The following SLAIN1 variants were observed in gnomAD, a reference collection of about 807,000 sequenced individuals.
SLAIN1 encodes SLAIN family member 1, also known as SLAIN motif-containing protein 1.
In SLAIN1, 17 loss-of-function variants were observed where a neutral mutation model predicts 55.4. The observed-to-expected ratio is 0.31, with a 90% confidence interval of 0.21 to 0.46. The LOEUF is 0.46. Ranked by LOEUF, SLAIN1 falls within the 20% of genes least tolerant of loss-of-function variation. SLAIN1 has a pLI of 1.00. For synonymous variants in SLAIN1, 348 were observed against 337.4 expected (o/e 1.03, Z -0.35); for missense variants, 682 against 785.1 (o/e 0.87, Z 1.57).
At chr13:77,758,798 T>C (rs181818861) in intron 5 of SLAIN1, among the ~76,000 whole-genome samples, 21 of 152,340 alleles carry the variant, frequency 1.4e-4, no homozygotes, top group Non-Finnish European at 2.9e-4. Flanking sequence ...CCTATTTTTA[T>C]AGCAGTACCA....
At chr13:77,761,170 A>G in intron 6 of SLAIN1, 60 bp downstream of exon 6, 1 of 1,533,932 alleles carries the variant, frequency 6.5e-7, no homozygotes, top group Non-Finnish European at 8.9e-7. Flanking sequence ...TGCTCCAGAC[A>G]CACGCTGACT....
At chr13:77,761,523 C>T (rs547350721) in intron 6 of SLAIN1, among the ~76,000 whole-genome samples, 17 of 152,100 alleles carry the variant, frequency 1.1e-4, no homozygotes, top group Non-Finnish European at 2.2e-4. Flanking sequence ...TGTGTATCCC[C>T]GATGCCAAGA....
At chr13:77,759,760 T>G (rs991398341) in intron 5 of SLAIN1, among the ~76,000 whole-genome samples, 2 of 152,176 alleles carry the variant, frequency 1.3e-5, no homozygotes, top group African/African-American at 4.8e-5. Flanking sequence ...TGGCCTATGT[T>G]AAACCATTTC....
At chr13:77,703,247 A>G (rs947554969) in intron 1 of SLAIN1, among the ~76,000 whole-genome samples, 5 of 152,172 alleles carry the variant, frequency 3.3e-5, no homozygotes, top group South Asian at 2.1e-4. Context: ...ACTTGTACAA[A>G]TTAAGAAAAA....
chr13:77,719,591 A>G lies in SLAIN1; in HGVS notation c.686A>G (p.Gln229Arg), dbSNP rs1329500299. The G allele has an allele frequency of 3.7e-6, 6 of 1,613,440 alleles. No homozygotes were observed. The South Asian group carries it at 6.6e-5, about 18-fold the overall frequency. ...TSSEKSLTPL[Q>R]WCRHVLDNPT... ...TCAGAGAAATCCCTGACTCCTTTGC[A>G]GTGGTGTAGACATGTCCTAGATAAC... Residue 229 changes from glutamine (Q) to arginine (R), a missense_variant, in exon 2 of 7, where the codon CAG (glutamine) becomes CGG (arginine). By Grantham distance (43) the Gln-to-Arg change is conservative (BLOSUM62 1). Around this residue, in one of 3 missense-constraint regions of SLAIN1, gnomAD observed 401 missense variants for 417.3 expected, o/e 0.96. Transcript: ENST00000418532.
rs1202809959 is a variant in SLAIN1 at position 77,746,841 on chromosome 13, A to G, written c.1244A>G (p.Asn415Ser). Residue 415 changes from asparagine (N) to serine (S), a missense_variant, in exon 4 of 7, where the codon AAT (asparagine) becomes AGT (serine). Coordinates refer to ENST00000418532, the MANE Select transcript of SLAIN1 (RefSeq NM_001242868.2). ...GCCCAAACTCCAGATCAGCAACCAAATAGGACCAATGGAGGTAGGTTGTAT... is the reference window on the plus strand; with the variant it reads ...GCCCAAACTCCAGATCAGCAACCAAGTAGGACCAATGGAGGTAGGTTGTAT... ...PQAQTPDQQP[N>S]RTNGDKLRRS... is the part of the protein sequence containing the mutation. 3 of 1,612,272 alleles carry G rather than the reference A, an allele frequency of 1.9e-6. No individual in the cohort carries two copies. The highest frequency in any genetic ancestry group is 1.1e-5 in the South Asian group (1 of 90,974).
At chr13:77,709,348 T>G (rs750920617) in intron 1 of SLAIN1, among the ~76,000 whole-genome samples, 6 of 152,106 alleles carry the variant, frequency 3.9e-5, no homozygotes, top group Non-Finnish European at 8.8e-5. Flanking sequence ...CAGGATATTA[T>G]CCAGGAGACC....
At chr13:77,759,965 CT>C (rs1594300884) in intron 5 of SLAIN1, among the ~76,000 whole-genome samples, 2 of 151,892 alleles carry the variant, frequency 1.3e-5, no homozygotes, top group Non-Finnish European at 2.9e-5. Flanking sequence ...TTTTTTGGGT[CT>C]TTTTCCCCCT....
chr13:77,718,211 A>T (rs2091227019), intron 1 of SLAIN1, among the ~76,000 whole-genome samples: 1 of 152,154 alleles, frequency 6.6e-6, no homozygotes, highest in African/African-American at 2.4e-5. Context: ...GAGCCGTTGC[A>T]TGTTTTGTAT....
At chr13:77,737,373 A>G (rs1873173845) in intron 2 of SLAIN1, among the ~76,000 whole-genome samples, 1 of 152,114 alleles carries the variant, frequency 6.6e-6, no homozygotes, top group South Asian at 2.1e-4. Flanking sequence ...CATTTAGTTC[A>G]TCATTTCTAT....
At chr13:77,709,927 G>A (rs1566220990) in intron 1 of SLAIN1, among the ~76,000 whole-genome samples, 1 of 151,964 alleles carries the variant, frequency 6.6e-6, no homozygotes, top group Non-Finnish European at 1.5e-5. Context: ...CCCACTACCA[G>A]GCCTGGGTAA....
chr13:77,722,781 T>G (rs972174084), intron 2 of SLAIN1, among the ~76,000 whole-genome samples: 3 of 152,240 alleles, frequency 2.0e-5, no homozygotes, highest in Non-Finnish European at 4.4e-5. Flanking sequence ...AGATTCTTGC[T>G]CTGTGCCCAG....
intron 2 of SLAIN1, among the ~76,000 whole-genome samples, chr13:77,726,268 A>T (rs1418772672): frequency 6.6e-6 from 1 of 152,230 alleles, no homozygotes; most frequent in Non-Finnish European, 1.5e-5. Flanking sequence ...TTGCTAAAAA[A>T]TACGTTGTCT....
At chr13:77,744,158 C>A (rs1873651106) in intron 2 of SLAIN1, 125 bp from the exon 3 acceptor site, 1 of 740,934 alleles carries the variant, frequency 1.3e-6, no homozygotes, top group African/African-American at 1.7e-5. Context: ...TAAATGGTGA[C>A]ATGTTGGTGA....
Position 77,698,995 on chromosome 13 carries a change from C to G in SLAIN1, c.626+456C>G, listed in dbSNP as rs1290362287. 6.5e-7 allele frequency: 1 copy of G among 1,534,826 alleles called. No individual in the cohort carries two copies. Among genetic ancestry groups the G allele is most frequent in the Non-Finnish European group, 8.7e-7 (1 of 1,146,770 alleles). On this transcript the variant is annotated intron_variant, in intron 1 of 6. Transcript: ENST00000418532. The surrounding 1 kb of genome is among the most constrained non-coding windows in gnomAD (Gnocchi z 4.1). ...TTAAACGAACGCTGGACAGGATTTG[C>G]GTGCTCTTCCTCCTCGGGTGGCATC... is the stretch of plus-strand genomic sequence containing the variant.
In SLAIN1 at chr13:77,698,249, T is replaced by A. The variant is rs901298368; in HGVS notation, c.336T>A (p.Ser112Arg). 2.1e-5 allele frequency: 29 copies of A among 1,386,986 alleles called. No homozygotes were observed. The Admixed American group carries it at 7.1e-4, about 34-fold the overall frequency. 85.9% of individuals were successfully genotyped at this position (1,386,986 alleles called of 1,614,324 possible). Residue 112 changes from serine (S) to arginine (R), a missense_variant, in exon 1 of 7, where the codon AGT becomes AGA. By Grantham distance (110) the Ser-to-Arg change is moderately radical (BLOSUM62 -1). This residue lies in a region of SLAIN1 where 401 missense variants were observed against 417.3 expected (regional missense o/e 0.96). Coordinates refer to ENST00000418532, the MANE Select transcript of SLAIN1 (RefSeq NM_001242868.2). The surrounding 1 kb of genome is among the most constrained non-coding windows in gnomAD (Gnocchi z 4.1). ...LGAGGGGGSG[S>R]GSGGGSSPAF... is the part of the protein sequence containing the mutation. The stretch of plus-strand genomic sequence containing the variant: ...CGGGGGGCGGTGGCGGCAGCGGTAG[T>A]GGCAGCGGCGGTGGCTCCAGCCCCG...
chr13:77,701,770 A>AT (rs1157451381), intron 1 of SLAIN1, among the ~76,000 whole-genome samples: 3 of 151,570 alleles, frequency 2.0e-5, no homozygotes, highest in Non-Finnish European at 4.4e-5. Flanking sequence ...TTATTTATTT[A>AT]TTTTTTATTA....
At chr13:77,762,626 C>T (rs1278893519) in intron 6 of SLAIN1, among the ~76,000 whole-genome samples, 2 of 152,124 alleles carry the variant, frequency 1.3e-5, no homozygotes, top group Non-Finnish European at 2.9e-5. Context: ...TCTTGAATTC[C>T]TGGCCTCAAG....
At chr13:77,738,101 T>A (rs1258867606) in intron 2 of SLAIN1, among the ~76,000 whole-genome samples, 1 of 151,946 alleles carries the variant, frequency 6.6e-6, no homozygotes, top group Admixed American at 6.6e-5. Context: ...CCTTTGAAGT[T>A]TTTTAGTATC....
Sources: allele counts gnomAD v4.1 joint callset (sites outside exome capture counted in the v4.1 genomes callset), GRCh38; gene constraint gnomAD v4.1.1; regional missense constraint gnomAD v4.1.1; non-coding constraint Gnocchi (gnomAD v3.1); transcripts MANE v1.5; gene names NCBI Gene and HGNC (gene_info 2026-07-23, HGNC 2026-07-21).